KLHL32: variants seen among roughly 807,000 people sequenced by gnomAD.
KLHL32 encodes the protein kelch-like protein 32.
In KLHL32, 35 loss-of-function variants were observed where a neutral mutation model predicts 64.8. That is an observed-to-expected ratio of 0.54 (90% CI 0.41 to 0.72). The LOEUF (loss-of-function observed/expected upper bound fraction) is 0.72. Ranked by LOEUF, KLHL32 falls within the 30% of genes least tolerant of loss-of-function variation. The probability of loss-of-function intolerance (pLI) is 0.00; values close to 1 mark genes in which losing one functional copy is unlikely to be tolerated. For missense variants in KLHL32, 589 were observed against 768.5 expected, an observed-to-expected ratio of 0.77 and a Z score of 2.76; for synonymous variants, 259 against 281.0, an observed-to-expected ratio of 0.92 and a Z score of 0.78.
intron 1 of KLHL32, among the ~76,000 whole-genome samples, chr6:96,957,493 A>G (rs919012813): frequency 6.6e-6 from 1 of 152,238 alleles, no homozygotes; most frequent in African/African-American, 2.4e-5. Context: ...TGTGTCATCT[A>G]TAAAGATGAA....
At chr6:97,022,638 T>C (rs1381533767) in intron 3 of KLHL32, among the ~76,000 whole-genome samples, 1 of 151,062 alleles carries the variant, frequency 6.6e-6, no homozygotes, top group Non-Finnish European at 1.5e-5. Context: ...CCTGGCTAAT[T>C]TTTGTATTTT....
chr6:97,053,473 ATTACTT>A (rs1251683692), intron 4 of KLHL32, among the ~76,000 whole-genome samples: 4 of 152,158 alleles, frequency 2.6e-5, no homozygotes, highest in African/African-American at 9.7e-5. Context: ...ATAAAAAGAA[ATTACTT>A]TATCTTTGAA....
intron 7 of KLHL32, among the ~76,000 whole-genome samples, chr6:97,126,218 C>A (rs2128219242): frequency 6.6e-6 from 1 of 152,128 alleles, no homozygotes; most frequent in East Asian, 1.9e-4. Context: ...TCATTTTACA[C>A]CAGTGTCTAG....
At chr6:97,138,775 A>C (rs1397759897) in intron 10 of KLHL32, among the ~76,000 whole-genome samples, 1 of 152,192 alleles carries the variant, frequency 6.6e-6, no homozygotes, top group East Asian at 1.9e-4. Flanking sequence ...TTAAGCCAAC[A>C]TTATGTCAGA....
intron 3 of KLHL32, among the ~76,000 whole-genome samples, chr6:96,998,828 T>A (rs1778694383): frequency 6.6e-6 from 1 of 152,208 alleles, no homozygotes; most frequent in Non-Finnish European, 1.5e-5. Flanking sequence ...CAGAGTATCA[T>A]TCTTACAGTA....
chr6:96,970,163 G>A (rs1774954645), intron 2 of KLHL32, among the ~76,000 whole-genome samples: 1 of 152,096 alleles, frequency 6.6e-6, no homozygotes, highest in African/African-American at 2.4e-5. Context: ...CCATCATTCA[G>A]CTGAACCACA....
At chr6:97,104,192 T>C (rs1274394343) in intron 6 of KLHL32, among the ~76,000 whole-genome samples, 1 of 152,244 alleles carries the variant, frequency 6.6e-6, no homozygotes, top group Non-Finnish European at 1.5e-5. Context: ...GTTATTGTTA[T>C]AAGATTGAGC....
intron 6 of KLHL32, among the ~76,000 whole-genome samples, chr6:97,104,091 G>T (rs1796092461): frequency 6.6e-6 from 1 of 152,182 alleles, no homozygotes; most frequent in African/African-American, 2.4e-5. Flanking sequence ...AAGTAGAGAA[G>T]ATATCACAGG....
intron 4 of KLHL32, among the ~76,000 whole-genome samples, chr6:97,058,592 G>A (rs926847631): frequency 6.6e-6 from 1 of 152,186 alleles, no homozygotes; most frequent in Non-Finnish European, 1.5e-5. Context: ...TTACAGCTAT[G>A]TGTAGCCACC....
intron 3 of KLHL32, among the ~76,000 whole-genome samples, chr6:97,001,055 G>C (rs1778965341): frequency 1.3e-5 from 2 of 152,158 alleles, no homozygotes; most frequent in African/African-American, 2.4e-5. Flanking sequence ...TGGAGCACAG[G>C]GGATTTTTAA....
chr6:97,124,955 T>A (rs976233146), intron 7 of KLHL32, among the ~76,000 whole-genome samples: 1 of 152,214 alleles, frequency 6.6e-6, no homozygotes, highest in Non-Finnish European at 1.5e-5. Context: ...CTTGACTATA[T>A]AGGCATTTCA....
At chr6:96,943,722 C>T (rs1165272596) in intron 1 of KLHL32, among the ~76,000 whole-genome samples, 3 of 152,230 alleles carry the variant, frequency 2.0e-5, no homozygotes, top group Non-Finnish European at 4.4e-5. Context: ...TCACTGCTTC[C>T]TTTTCCAGTT....
intron 3 of KLHL32, among the ~76,000 whole-genome samples, chr6:97,025,286 A>C (rs1782562499): frequency 6.6e-6 from 1 of 152,176 alleles, no homozygotes; most frequent in African/African-American, 2.4e-5. Flanking sequence ...TCATTAGCCC[A>C]TCTGATGTTG....
At position 97,060,799 on chromosome 6, in the gene KLHL32, C is replaced by A. The variant is rs1788754843; in HGVS notation, c.313-3829C>A. Among the ~76,000 whole-genome samples the A allele has an allele frequency of 2.0e-5, 3 of 152,134 alleles. No individual in the cohort carries two copies. In the South Asian group the frequency reaches 6.2e-4, roughly 32 times the overall value. On this transcript the variant is annotated intron_variant, in intron 4 of 10. Coordinates refer to ENST00000369261, the MANE Select transcript of KLHL32 (RefSeq NM_052904.4). ...AATTTCTCCTACCAGGTACCCATCC[C>A]CTTCTCCTGCACTTGTGGGTTTTAC...
chr6:97,001,147 A>G (rs1454241646), intron 3 of KLHL32, among the ~76,000 whole-genome samples: 1 of 152,180 alleles, frequency 6.6e-6, no homozygotes, highest in Non-Finnish European at 1.5e-5. Context: ...AATATACAAC[A>G]CCAGGAGTGA....
At chr6:96,949,013 A>G (rs1772253213) in intron 1 of KLHL32, among the ~76,000 whole-genome samples, 1 of 152,170 alleles carries the variant, frequency 6.6e-6, no homozygotes, top group African/African-American at 2.4e-5. Context: ...TTTTAGATTA[A>G]TTTCATTTCT....
intron 1 of KLHL32, among the ~76,000 whole-genome samples, chr6:96,935,044 A>G (rs1770413812): frequency 6.6e-6 from 1 of 152,244 alleles, no homozygotes; most frequent in Non-Finnish European, 1.5e-5. Flanking sequence ...AGATAAGAAG[A>G]AAAAGAAACC....
At chr6:96,946,391 G>A (rs1771922995) in intron 1 of KLHL32, among the ~76,000 whole-genome samples, 6 of 152,060 alleles carry the variant, frequency 3.9e-5, no homozygotes, top group Admixed American at 3.9e-4. Flanking sequence ...TTTATTGTTT[G>A]TCTGTCTTCT....
intron 6 of KLHL32, chr6:97,105,414 C>T: frequency 2.1e-6 from 1 of 470,754 alleles, no homozygotes; most frequent in Non-Finnish European, 4.4e-6. Flanking sequence ...GCTCCTGTGC[C>T]CTTCCTTTGT....
Sources: gnomAD v4.1 joint callset for allele counts (sites outside exome capture counted in the v4.1 genomes callset) on GRCh38, gnomAD v4.1.1 for gene constraint, MANE v1.5 for transcripts, NCBI Gene and HGNC (gene_info 2026-07-23, HGNC 2026-07-21) for gene names.